Variants in CDC6 observed in about 807,000 individuals in gnomAD.
CDC6 encodes the protein DNA replication factor CDC6.
A neutral mutation model predicts 60.2 loss-of-function variants in CDC6; 46 were observed. That is an observed-to-expected ratio of 0.76 (90% CI 0.60 to 0.98). CDC6 has a LOEUF of 0.98. Ranked by LOEUF, CDC6 falls within the 50% of genes least tolerant of loss-of-function variation. CDC6 has a pLI of 0.00. For synonymous variants in CDC6, 210 were observed against 233.2 expected, an observed-to-expected ratio of 0.90 and a Z score of 0.90; for missense variants, 596 against 652.9, an observed-to-expected ratio of 0.91 and a Z score of 0.95.
intron 9 of CDC6, among the ~76,000 whole-genome samples, chr17:40,297,202 C>G (rs1183166915): frequency 6.6e-6 from 1 of 152,006 alleles, no homozygotes; most frequent in African/African-American, 2.4e-5. Context: ...TTTGGGAGGC[C>G]AAGGCGGGAG....
At chr17:40,301,707 TAAAC>T in intron 11 of CDC6, 99 bp downstream of exon 11, 1 of 1,352,924 alleles carries the variant, frequency 7.4e-7, no homozygotes, top group Non-Finnish European at 1.1e-6. Context: ...CACAGTTAGT[TAAAC>T]AAGTCGTTTT....
Position 40,303,783 on chromosome 17 carries a change from G to A in CDC6, c.*1782G>A, listed in dbSNP as rs2032967981. The A allele has an allele frequency of 1.3e-5, 2 of 152,280 alleles. No individual in the cohort carries two copies. Among genetic ancestry groups the A allele is most frequent in the African/African-American group, 4.8e-5 (2 of 41,474 alleles). 9.4% of individuals were successfully genotyped at this position (152,280 alleles called of 1,614,324 possible). On this transcript the variant is annotated 3_prime_UTR_variant, in exon 12 of 12. Transcript: ENST00000209728. ...CTGATGGAAAGCAGAGACTGAATGG[G>A]ATTGAGAACAGATGCGAAGCTTGAT...
chr17:40,293,577 A>T lies in CDC6; in HGVS notation c.782A>T (p.Lys261Met). The T allele has an allele frequency of 6.2e-7, 1 of 1,613,950 alleles. No individual in the cohort carries two copies. The highest frequency in any genetic ancestry group is 8.5e-7 in the Non-Finnish European group (1 of 1,179,780). ...GAAGAGGTATCCAGGCCAGCTGGGAAGGACATGATGAGGAAATTGGAAAAA... is the reference window on the plus strand; with the variant it reads ...GAAGAGGTATCCAGGCCAGCTGGGATGGACATGATGAGGAAATTGGAAAAA... ...CQEEVSRPAG[K>M]DMMRKLEKHM... is the part of the protein sequence containing the mutation. The change falls in exon 5 of 12, where the codon AAG (lysine) becomes ATG (methionine). Residue 261 changes from lysine (K) to methionine (M), a missense_variant. Transcript: ENST00000209728.
intron 9 of CDC6, among the ~76,000 whole-genome samples, chr17:40,300,474 G>A (rs1464364299): frequency 6.6e-6 from 1 of 152,130 alleles, no homozygotes; most frequent in Non-Finnish European, 1.5e-5. Context: ...TCCAGCCTGA[G>A]TGACAGAGAT....
At position 40,296,775 on chromosome 17, in the gene CDC6, GT is replaced by G; in HGVS notation, c.1249+11del. The G allele has an allele frequency of 6.4e-7, 1 of 1,561,844 alleles. No individual in the cohort carries two copies. Among genetic ancestry groups the G allele is most frequent in the Non-Finnish European group, 8.8e-7 (1 of 1,132,434 alleles). ...TCAAACCACTGTCTGAATGTAAGTA[GT>G]TTATCTCCTTCCTGTCTTCCTTTGT... On this transcript the variant is annotated intron_variant, in intron 9 of 11. Transcript: ENST00000209728.
Position 40,291,283 on chromosome 17 carries a change from A to T in CDC6, c.404A>T (p.Glu135Val), listed in dbSNP as rs1219998831. The T allele has an allele frequency of 1.2e-6, 2 of 1,614,224 alleles. No individual in the cohort carries two copies. The highest frequency in any genetic ancestry group is 1.7e-6 in the Non-Finnish European group (2 of 1,180,010). The change falls in exon 3 of 12, where the codon GAG becomes GTG. Residue 135 changes from glutamate (E) to valine (V), a missense_variant. Physicochemically the swap from Glu to Val is moderately radical, Grantham distance 121 (BLOSUM62 -2). Coordinates refer to ENST00000209728, the MANE Select transcript of CDC6 (RefSeq NM_001254.4). The part of the protein sequence containing the change: ...RKSQEITTNS[E>V]QRCPLKKESA... Reference sequence around the variant, plus strand: ...AGTCAAGAGATCACAACAAATTCTGAGCAGAGATGTCCACTGAAGAAAGAA... The same window carrying T: ...AGTCAAGAGATCACAACAAATTCTGTGCAGAGATGTCCACTGAAGAAAGAA...
Position 40,289,512 on chromosome 17 carries a change from A to C in CDC6, c.92A>C (p.Asp31Ala). The change falls in exon 2 of 12, where the codon GAT becomes GCT. Residue 31 changes from aspartate to alanine, a missense_variant. Transcript: ENST00000209728. The stretch of plus-strand genomic sequence containing the variant: ...TTGAACAAAGCTAAAAACTCCAGTG[A>C]TGCCAAACTAGAACCAACAAATGTC... ...RALNKAKNSSDAKLEPTNVQT... is the reference protein window; with the variant it reads ...RALNKAKNSSAAKLEPTNVQT... 3.1e-6 allele frequency: 5 copies of C among 1,614,084 alleles called. No homozygotes were observed. The highest frequency in any genetic ancestry group is 4.2e-6 in the Non-Finnish European group (5 of 1,179,982).
chr17:40,293,123 C>T (rs1461389949), intron 4 of CDC6, among the ~76,000 whole-genome samples: 1 of 151,944 alleles, frequency 6.6e-6, no homozygotes, highest in African/African-American at 2.4e-5. Flanking sequence ...CTTGTAATCC[C>T]AGCTACTTGG....
At chr17:40,293,873 G>C in intron 5 of CDC6, 77 bp from the exon 6 acceptor site, 1 of 1,263,784 alleles carries the variant, frequency 7.9e-7, no homozygotes, top group Non-Finnish European at 1.2e-6. Context: ...TTAGGAAAGT[G>C]ACCTGAAGTC....
At chr17:40,294,109 A>G in intron 6 of CDC6, 53 bp downstream of exon 6, 1 of 1,335,374 alleles carries the variant, frequency 7.5e-7, no homozygotes. Context: ...TTTTTTAAGA[A>G]TATATATTCA....
At chr17:40,300,519 C>T (rs1018249792) in intron 9 of CDC6, among the ~76,000 whole-genome samples, 49 of 152,124 alleles carry the variant, frequency 3.2e-4, no homozygotes, top group African/African-American at 1.1e-3. Context: ...GTTCTCTGGT[C>T]CTTTCATGAG....
Position 40,291,625 on chromosome 17 carries a change from C to A in CDC6, c.617C>A (p.Thr206Asn). ...GSLYLSGAPG[T>N]GKTACLSRIL... ...CTTTACCTTTCTGGTGCTCCTGGAA[C>A]TGGAAAAACTGCCTGCTTAAGCCGG... The change falls in exon 4 of 12, where the codon ACT (threonine) becomes AAT (asparagine). Residue 206 changes from threonine (T) to asparagine (N), a missense_variant. Physicochemically the swap from Thr to Asn is moderately conservative, Grantham distance 65. Transcript: ENST00000209728. 1 of 1,614,216 alleles carries A rather than the reference C, an allele frequency of 6.2e-7. No homozygotes were observed. The highest frequency in any genetic ancestry group is 8.5e-7 in the Non-Finnish European group (1 of 1,180,042).
In CDC6 at chr17:40,294,377, C is replaced by T. The variant is rs1436457722; in HGVS notation, c.957C>T (p.Thr319=). The T allele has an allele frequency of 1.2e-6, 2 of 1,608,674 alleles. No individual in the cohort carries two copies. The highest frequency in any genetic ancestry group is 1.7e-5 in the Admixed American group (1 of 59,964). ...SHLVLIGIAN[T]LDLTDRILPR... ...TCTCCTCCTTAGGTATTGCTAATAC[C>T]CTGGATCTCACAGATAGAATTCTAC... Residue 319 remains threonine (T), a synonymous_variant, in exon 7 of 12, where the codon ACC becomes ACT. Coordinates refer to ENST00000209728, the MANE Select transcript of CDC6 (RefSeq NM_001254.4).
At chr17:40,295,159 G>A (rs2032839709) in intron 7 of CDC6, among the ~76,000 whole-genome samples, 197 bp from the exon 8 acceptor site, 2 of 151,970 alleles carry the variant, frequency 1.3e-5, no homozygotes, top group Admixed American at 6.6e-5. Flanking sequence ...AACTTCTACT[G>A]CATCCGTACA....
chr17:40,297,254 T>C (rs888357875), intron 9 of CDC6, among the ~76,000 whole-genome samples: 1 of 151,900 alleles, frequency 6.6e-6, no homozygotes, highest in Non-Finnish European at 1.5e-5. Context: ...CTGGGCAATA[T>C]AGTGAGACCT....
intron 8 of CDC6, 91 bp from the exon 9 acceptor site, chr17:40,296,612 C>A (rs1019560994): frequency 2.6e-6 from 2 of 757,608 alleles, no homozygotes; most frequent in African/African-American, 3.5e-5. Context: ...AGTCTTTGAG[C>A]AATGGTCATT....
Position 40,301,534 on chromosome 17 carries a change from T to G in CDC6, c.1519T>G (p.Leu507Val). ...QVAAVDQSECLSLSGLLEARG... is the reference protein window; with the variant it reads ...QVAAVDQSECVSLSGLLEARG... ...GGCGGCTGTGGACCAGTCAGAGTGT[T>G]TGTCACTTTCAGGGCTCTTGGAAGC... The change falls in exon 11 of 12, where the codon TTG (leucine) becomes GTG (valine). Residue 507 changes from leucine to valine, a missense_variant. Physicochemically the swap from Leu to Val is conservative, Grantham distance 32. Coordinates refer to ENST00000209728, the MANE Select transcript of CDC6 (RefSeq NM_001254.4). The G allele has an allele frequency of 6.2e-7, 1 of 1,614,042 alleles. No homozygotes were observed. Among genetic ancestry groups the G allele is most frequent in the Non-Finnish European group, 8.5e-7 (1 of 1,179,874 alleles).
intron 2 of CDC6, among the ~76,000 whole-genome samples, chr17:40,290,721 C>A (rs923430461): frequency 6.6e-6 from 1 of 152,116 alleles, no homozygotes; most frequent in African/African-American, 2.4e-5. Flanking sequence ...GATATGCTGG[C>A]TGAAGGGATG....
intron 8 of CDC6, 57 bp downstream of exon 8, chr17:40,295,513 T>A: frequency 6.9e-6 from 8 of 1,155,020 alleles, no homozygotes; most frequent in Admixed American, 1.7e-5. Flanking sequence ...GAAATGCTGT[T>A]AATTGTCTCA....
Sources: allele counts gnomAD v4.1 joint callset (sites outside exome capture counted in the v4.1 genomes callset), GRCh38; gene constraint gnomAD v4.1.1; transcripts MANE v1.5; gene names NCBI Gene and HGNC (gene_info 2026-07-23, HGNC 2026-07-21).